Variants in MTMR9 observed in about 807,000 individuals in gnomAD.
The protein encoded by MTMR9 is myotubularin related protein 9, also known as myotubularin-related protein 9.
A neutral mutation model predicts 69.5 loss-of-function variants in MTMR9; 39 were observed. The ratio of observed to expected loss-of-function variants is 0.56; its 90% CI spans 0.43 to 0.73. The LOEUF (loss-of-function observed/expected upper bound fraction) is 0.73. Ranked by LOEUF, MTMR9 falls within the 30% of genes least tolerant of loss-of-function variation. The pLI is 0.00. For missense variants in MTMR9, 900 were observed against 671.2 expected, an observed-to-expected ratio of 1.34 and a Z score of -3.77; for synonymous variants, 354 against 240.8, an observed-to-expected ratio of 1.47 and a Z score of -4.35.
chr8:11,290,422 T>C (rs537604386), intron 1 of MTMR9, among the ~76,000 whole-genome samples: 1 of 152,250 alleles, frequency 6.6e-6, no homozygotes, highest in African/African-American at 2.4e-5. Flanking sequence ...GTTGTTTTTT[T>C]CTGTGGTGCC....
intron 6 of MTMR9, among the ~76,000 whole-genome samples, chr8:11,311,867 G>A (rs1800212958): frequency 6.8e-6 from 1 of 147,476 alleles, no homozygotes; most frequent in Non-Finnish European, 1.5e-5. Flanking sequence ...CTAAGTTGAT[G>A]TGGTATTCTA....
At position 11,322,776 on chromosome 8, in the gene MTMR9, G is replaced by T. The variant is rs749318422; in HGVS notation, c.1638G>T (p.Gln546His). Reference sequence around the variant, plus strand: ...AACTGGAAACAGAGGACGGGATGCAGGAGAGTCCCTGAAAGGTCTCCTCGC... The same window carrying T: ...AACTGGAAACAGAGGACGGGATGCATGAGAGTCCCTGAAAGGTCTCCTCGC... ...LAELETEDGM[Q>H]ESP is the part of the protein sequence containing the mutation. The change falls in exon 10 of 10, where the codon CAG (glutamine) becomes CAT (histidine). Residue 546 changes from glutamine to histidine, a missense_variant. Transcript: ENST00000221086. 6.2e-7 allele frequency: 1 copy of T among 1,613,894 alleles called. No individual in the cohort carries two copies. The highest frequency in any genetic ancestry group is 8.5e-7 in the Non-Finnish European group (1 of 1,179,906).
At chr8:11,303,561 C>G (rs926851769) in intron 3 of MTMR9, among the ~76,000 whole-genome samples, 2 of 151,932 alleles carry the variant, frequency 1.3e-5, no homozygotes, top group Non-Finnish European at 2.9e-5. Context: ...TTGAAACAAT[C>G]TCACTCCAGT....
chr8:11,322,596 C>T lies in MTMR9; in HGVS notation c.1487-29C>T, dbSNP rs187331012. 2.9e-5 allele frequency: 47 copies of T among 1,602,090 alleles called. No homozygotes were observed. The African/African-American group carries it at 3.9e-4, about 13-fold the overall frequency. ...TAATCCATTGTATATACCTTTCTTG[C>T]TTCTGTTTTCCATTCCTGGATTCAA... On this transcript the variant is annotated intron_variant, in intron 9 of 9. Coordinates refer to ENST00000221086, the MANE Select transcript of MTMR9 (RefSeq NM_015458.4).
intron 2 of MTMR9, among the ~76,000 whole-genome samples, chr8:11,299,262 G>A (rs1029157358): frequency 1.3e-5 from 2 of 152,150 alleles, no homozygotes; most frequent in Non-Finnish European, 2.9e-5. Context: ...CCCGGGAGGC[G>A]GAGGCTGCAG....
chr8:11,304,218 T>C (rs1453158386), intron 3 of MTMR9, among the ~76,000 whole-genome samples: 3 of 152,212 alleles, frequency 2.0e-5, no homozygotes, highest in African/African-American at 7.2e-5. Context: ...TAGTATTGAG[T>C]TGGTACTGTT....
At chr8:11,328,893 C>CCTA (rs1404881988), downstream of MTMR9, among the ~76,000 whole-genome samples, 1 of 152,210 alleles carries the variant, frequency 6.6e-6, no homozygotes, top group East Asian at 1.9e-4. Flanking sequence ...AAAAAGCAGT[C>CCTA]TTAGGAGTTT....
Position 11,324,441 on chromosome 8 carries a change from C to T in MTMR9, c.*1653C>T, listed in dbSNP as rs1800832333. On this transcript the variant is annotated 3_prime_UTR_variant, in exon 10 of 10. Transcript: ENST00000221086. ...TTATGAACCTTGGGGCATTAAAATC[C>T]CATGGCAAGGAGCATAAGAGATGTT... The T allele has an allele frequency of 6.6e-6, 1 of 151,250 alleles. No individual in the cohort carries two copies. Among genetic ancestry groups the T allele is most frequent in the African/African-American group, 2.4e-5 (1 of 41,104 alleles). 9.4% of individuals were successfully genotyped at this position (151,250 alleles called of 1,614,324 possible). A position where few individuals can be genotyped will look rare whatever the true frequency, so the allele number is the denominator to read the frequency against.
chr8:11,315,140 A>G lies in MTMR9; in HGVS notation c.1113+76A>G, dbSNP rs949107905. Reference sequence around the variant, plus strand: ...CCTGCTTTGTGTGGTAGCTGACATAATGTGTGAAATTTCGATTGATTAAAA... The same window carrying G: ...CCTGCTTTGTGTGGTAGCTGACATAGTGTGTGAAATTTCGATTGATTAAAA... On this transcript the variant is annotated intron_variant, in intron 7 of 9. Coordinates refer to ENST00000221086, the MANE Select transcript of MTMR9 (RefSeq NM_015458.4). 8.8e-5 allele frequency: 134 copies of G among 1,530,244 alleles called. No individual in the cohort carries two copies. In the South Asian group the frequency reaches 1.2e-3, roughly 14 times the overall value. The allele number at this position is 1,530,244 out of a possible 1,614,324, so 94.8% of individuals were successfully genotyped here. A position where few individuals can be genotyped will look rare whatever the true frequency, so the allele number is the denominator to read the frequency against.
At chr8:11,330,325 G>A (rs565987873), downstream of MTMR9, among the ~76,000 whole-genome samples, 29 of 150,814 alleles carry the variant, frequency 1.9e-4, no homozygotes, top group South Asian at 6.4e-4. Flanking sequence ...CAGCTGCCCC[G>A]TCTGGGAGGG....
intron 3 of MTMR9, 32 bp from the exon 4 acceptor site, chr8:11,304,809 T>C: frequency 6.2e-7 from 1 of 1,602,996 alleles, no homozygotes; most frequent in Non-Finnish European, 8.5e-7. Context: ...TTGAGATAGT[T>C]GCTTAGCTTT....
At chr8:11,316,935 T>A in intron 8 of MTMR9, 42 bp downstream of exon 8, 3 of 1,362,854 alleles carry the variant, frequency 2.2e-6, no homozygotes, top group Non-Finnish European at 3.0e-6. Flanking sequence ...TTTTCCGTTG[T>A]TTTGGCTACT....
the MTMR9 span, among the ~76,000 whole-genome samples, chr8:11,334,609 C>A: frequency 6.6e-6 from 1 of 151,714 alleles, no homozygotes; most frequent in Non-Finnish European, 1.5e-5. Flanking sequence ...AAATGGGGGG[C>A]AAGAAAGTAA....
intron 5 of MTMR9, among the ~76,000 whole-genome samples, chr8:11,306,911 A>G (rs1425183869): frequency 6.6e-6 from 1 of 151,280 alleles, no homozygotes; most frequent in Non-Finnish European, 1.5e-5. Context: ...CCACCATTCT[A>G]CTCTCTGTTT....
intron 2 of MTMR9, among the ~76,000 whole-genome samples, chr8:11,296,963 C>T (rs769037392): frequency 3.3e-5 from 5 of 152,092 alleles, no homozygotes; most frequent in Admixed American, 6.5e-5. Context: ...AATGGAAGAG[C>T]TCATACTGTT....
In MTMR9 at chr8:11,314,880, T is replaced by G. The variant is rs769091930; in HGVS notation, c.972-43T>G. ...TTATTAACAGAGTTCATTGACCATG[T>G]TGGACATTTCCCATTTGTACTCTTC... is the stretch of plus-strand genomic sequence containing the variant. On this transcript the variant is annotated intron_variant, in intron 6 of 9. Transcript: ENST00000221086. 8.1e-6 allele frequency: 13 copies of G among 1,598,294 alleles called. No individual in the cohort carries two copies. In the African/African-American group the frequency reaches 1.7e-4, roughly 21 times the overall value.
At chr8:11,338,012 T>C in the MTMR9 span, among the ~76,000 whole-genome samples, 3 of 152,256 alleles carry the variant, frequency 2.0e-5, no homozygotes, top group Admixed American at 6.5e-5. Context: ...ACTTGGCTAA[T>C]ATGTCCAAGG....
At chr8:11,321,225 G>C (rs74842363) in intron 9 of MTMR9, 35,808 of 341,170 alleles carry the variant, frequency 0.1, 2,383 homozygotes, top group Non-Finnish European at 0.15. Context: ...TGAGGTTCTG[G>C]GTGTGAGCTT....
downstream of MTMR9, among the ~76,000 whole-genome samples, chr8:11,332,486 A>G (rs1022166845): frequency 6.6e-6 from 1 of 152,184 alleles, no homozygotes; most frequent in Admixed American, 6.5e-5. Flanking sequence ...GAGAATATCA[A>G]TAAAAATATA....
Sources: allele counts gnomAD v4.1 joint callset (sites outside exome capture counted in the v4.1 genomes callset), GRCh38; gene constraint gnomAD v4.1.1; transcripts MANE v1.5; gene names NCBI Gene and HGNC (gene_info 2026-07-23, HGNC 2026-07-21).